Variants in NFATC1 observed in about 807,000 individuals in gnomAD.
NFATC1 encodes the protein nuclear factor of activated T-cells, cytoplasmic 1.
NFATC1 carries 22 observed loss-of-function variants against 76.0 expected under a neutral mutation model. That is an observed-to-expected ratio of 0.29 (90% CI 0.21 to 0.41). The LOEUF is 0.41. NFATC1 is among the 10% of genes least tolerant of loss of function. The pLI is 1.00. For synonymous variants in NFATC1, 704 were observed against 613.1 expected (o/e 1.15, Z -2.19); for missense variants, 1,357 against 1,337.7 (o/e 1.01, Z -0.23).
intron 8 of NFATC1, among the ~76,000 whole-genome samples, chr18:79,474,576 T>G (rs1378864734): frequency 6.9e-6 from 1 of 144,110 alleles, no homozygotes; most frequent in Admixed American, 7.0e-5. Flanking sequence ...GCTGTCGACA[T>G]AAACCTGAGG....
chr18:79,450,821 G>A (rs1252647984), intron 4 of NFATC1, 133 bp from the exon 5 acceptor site: 2 of 1,144,112 alleles, frequency 1.7e-6, no homozygotes, highest in African/African-American at 1.6e-5. Context: ...TTTCCTTGGG[G>A]AAGGGGAGAG....
intron 6 of NFATC1, among the ~76,000 whole-genome samples, chr18:79,453,192 C>T (rs2087547048): frequency 6.6e-6 from 1 of 152,242 alleles, no homozygotes; most frequent in Non-Finnish European, 1.5e-5. Context: ...ACACTTCGCC[C>T]ACAGTGTAGG....
rs186500255 is a variant in NFATC1, at chr18:79,469,312, T to C, written c.2092+1730T>C. On this transcript the variant is annotated intron_variant, in intron 8 of 9. Transcript: ENST00000427363. ...CAGAGCAGTGCATTAATTTTTTTCT[T>C]ATTTGCTCAGCATGCGGCAGTCCCC... 3.9e-5 allele frequency: 38 copies of C among 985,432 alleles called. 1 individual carries two copies. The East Asian group carries it at 4.0e-3, about 103-fold the overall frequency. The allele number at this position is 985,432 out of a possible 1,614,324, so 61.0% of individuals were successfully genotyped here.
At position 79,486,883 on chromosome 18, in the gene NFATC1, C is replaced by T; in HGVS notation, c.2728C>T (p.Pro910Ser). 1 of 1,610,526 alleles carries T rather than the reference C, an allele frequency of 6.2e-7. No homozygotes were observed. The highest frequency in any genetic ancestry group is 8.5e-7 in the Non-Finnish European group (1 of 1,178,988). Residue 910 changes from proline to serine, a missense_variant, in exon 9 of 10, where the codon CCT becomes TCT. This residue lies in a region of NFATC1 where 424 missense variants were observed against 395.4 expected (regional missense o/e 1.07). Coordinates refer to ENST00000427363, the MANE Select transcript of NFATC1 (RefSeq NM_001278669.2). ...EDGSPNLAPIPVTVKREPEEL... is the reference protein window; with the variant it reads ...EDGSPNLAPISVTVKREPEEL... ...CGGTAGTCCTAATTTGGCCCCTATT[C>T]CTGTAACGGTCAAGCGAGAGCCTGA... is the stretch of plus-strand genomic sequence containing the variant.
chr18:79,521,436 C>G (rs1354505470), intron 9 of NFATC1, among the ~76,000 whole-genome samples: 5 of 49,270 alleles, frequency 1.0e-4, no homozygotes, highest in East Asian at 6.9e-4. Context: ...ATGTGTGTGT[C>G]TGTGTGTGTG....
intron 2 of NFATC1, among the ~76,000 whole-genome samples, chr18:79,430,388 GT>G (rs2086550570): frequency 6.6e-6 from 1 of 152,078 alleles, no homozygotes; most frequent in Admixed American, 6.5e-5. Flanking sequence ...TTTGTTTTTG[GT>G]TTGTTTGTTT....
At chr18:79,406,807 A>C (rs1191682784) in intron 1 of NFATC1, among the ~76,000 whole-genome samples, 1 of 151,026 alleles carries the variant, frequency 6.6e-6, no homozygotes, top group Non-Finnish European at 1.5e-5. Flanking sequence ...CCACCGTTGG[A>C]CTGCGTCCCT....
chr18:79,408,652 C>G (rs2085523753), intron 1 of NFATC1, among the ~76,000 whole-genome samples: 1 of 152,220 alleles, frequency 6.6e-6, no homozygotes, highest in African/African-American at 2.4e-5. Flanking sequence ...ATTAGGGCAC[C>G]TTGACAGTGA....
At chr18:79,401,419 C>T (rs771751961) in intron 1 of NFATC1, among the ~76,000 whole-genome samples, 1 of 152,200 alleles carries the variant, frequency 6.6e-6, no homozygotes, top group Non-Finnish European at 1.5e-5. Flanking sequence ...CCTGTGCTGC[C>T]TGCGGTTCTC....
intron 8 of NFATC1, among the ~76,000 whole-genome samples, chr18:79,473,935 C>T (rs982548191): frequency 2.0e-5 from 3 of 146,562 alleles, no homozygotes; most frequent in African/African-American, 5.1e-5. Context: ...CGCTCACTGT[C>T]GACATTGTAA....
chr18:79,403,192 G>A (rs2085324943), intron 1 of NFATC1, among the ~76,000 whole-genome samples: 1 of 152,272 alleles, frequency 6.6e-6, no homozygotes, highest in Non-Finnish European at 1.5e-5. Context: ...CATCTCGCTG[G>A]ACTTAGGTCC....
intron 1 of NFATC1, among the ~76,000 whole-genome samples, chr18:79,396,635 C>A (rs1027597938): frequency 2.0e-5 from 3 of 152,196 alleles, no homozygotes; most frequent in Non-Finnish European, 2.9e-5. Flanking sequence ...AAGCGGCTCG[C>A]AGGCCGGCGA....
At chr18:79,506,087 T>C (rs1419462714) in intron 9 of NFATC1, among the ~76,000 whole-genome samples, 9 of 152,186 alleles carry the variant, frequency 5.9e-5, no homozygotes, top group African/African-American at 1.2e-4. Flanking sequence ...AGGGAGGGGC[T>C]GGGAGACCCT....
At chr18:79,502,768 A>G (rs1192705702) in intron 9 of NFATC1, among the ~76,000 whole-genome samples, 1 of 152,236 alleles carries the variant, frequency 6.6e-6, no homozygotes, top group South Asian at 2.1e-4. Flanking sequence ...GTAAATTTCA[A>G]TAAGATACCA....
At chr18:79,409,362 TCATC>T (rs1414903729) in intron 1 of NFATC1, among the ~76,000 whole-genome samples, 1 of 146,734 alleles carries the variant, frequency 6.8e-6, no homozygotes, top group Non-Finnish European at 1.5e-5. Context: ...CCATCATCAT[TCATC>T]CATCCATCCA....
intron 9 of NFATC1, among the ~76,000 whole-genome samples, chr18:79,521,222 T>C (rs1569053690): frequency 3.1e-5 from 1 of 31,926 alleles, no homozygotes; most frequent in African/African-American, 9.1e-5. Flanking sequence ...TGTCTGTGTG[T>C]GGGGGGTGGA....
At position 79,528,271 on chromosome 18, in the gene NFATC1, C is replaced by G. The variant is rs76026183; in HGVS notation, c.*694C>G. ...GCATGCTCGCATCTTTGTTTTTAAT[C>G]TGGCTTCGAACATAGCACAAGTAAC... On this transcript the variant is annotated 3_prime_UTR_variant, in exon 10 of 10. Coordinates refer to ENST00000427363, the MANE Select transcript of NFATC1 (RefSeq NM_001278669.2). 150 of 229,368 alleles carry G rather than the reference C, an allele frequency of 6.5e-4. 2 individuals are homozygous for G. The East Asian group carries it at 0.012, about 19-fold the overall frequency. The allele number at this position is 229,368 out of a possible 1,614,324, so 14.2% of individuals were successfully genotyped here.
intron 3 of NFATC1, among the ~76,000 whole-genome samples, chr18:79,439,208 T>G (rs899199100): frequency 6.6e-6 from 1 of 152,136 alleles, no homozygotes. Flanking sequence ...TGGTTCTCCA[T>G]GTCCCCTGCC....
At chr18:79,449,149 A>G (rs1360621630) in intron 4 of NFATC1, among the ~76,000 whole-genome samples, 165 bp downstream of exon 4, 2 of 152,206 alleles carry the variant, frequency 1.3e-5, no homozygotes, top group South Asian at 2.1e-4. Flanking sequence ...GCTTTTGACA[A>G]TGGATTTGCT....
Sources: gnomAD v4.1 joint callset for allele counts (sites outside exome capture counted in the v4.1 genomes callset) on GRCh38, gnomAD v4.1.1 for gene constraint, gnomAD v4.1.1 regional missense constraint, MANE v1.5 for transcripts, NCBI Gene and HGNC (gene_info 2026-07-23, HGNC 2026-07-21) for gene names.